Variants in RAB3C observed in about 807,000 individuals in gnomAD.
RAB3C encodes ras-related protein Rab-3C.
In RAB3C, 17 loss-of-function variants were observed where a neutral mutation model predicts 26.4. That is an observed-to-expected ratio of 0.64 (90% CI 0.44 to 0.97). The LOEUF (loss-of-function observed/expected upper bound fraction) is 0.97, where lower values mean the gene tolerates loss of function less well. Among genes scored for constraint, RAB3C ranks in the 50% least tolerant of loss-of-function variants. The pLI, the probability that RAB3C is intolerant of heterozygous loss-of-function variation, is 0.00. For synonymous variants in RAB3C, 91 were observed against 95.9 expected (o/e 0.95, Z 0.30); for missense variants, 242 against 281.9 (o/e 0.86, Z 1.01).
intron 2 of RAB3C, among the ~76,000 whole-genome samples, chr5:58,686,329 A>T (rs143312158): frequency 6.6e-6 from 1 of 152,272 alleles, no homozygotes; most frequent in African/African-American, 2.4e-5. Context: ...ATACACTAGT[A>T]TCCTTTCTAG....
Position 58,856,893 on chromosome 5 carries a change from G to T in RAB3C, c.*5542G>T, listed in dbSNP as rs1247345006. On this transcript the variant is annotated 3_prime_UTR_variant, in exon 5 of 5. Transcript: ENST00000282878. ...TTGTCTCATTATCCCTAGGATACGT[G>T]CTAAAGGAAAACTGTCCTGTAATTC... 1 of 152,176 alleles carries T rather than the reference G, an allele frequency of 6.6e-6. No individual in the cohort carries two copies. Among genetic ancestry groups the T allele is most frequent in the Non-Finnish European group, 1.5e-5 (1 of 68,046 alleles). The allele number at this position is 152,176 out of a possible 1,614,324, so 9.4% of individuals were successfully genotyped here. A position where few individuals can be genotyped will look rare whatever the true frequency, so the allele number is the denominator to read the frequency against.
chr5:58,690,194 T>G (rs1748539273), intron 2 of RAB3C, among the ~76,000 whole-genome samples: 1 of 152,130 alleles, frequency 6.6e-6, no homozygotes. Flanking sequence ...TAGTTAAGAA[T>G]TCTATAGCCA....
At chr5:58,772,452 G>A (rs1742049200) in intron 3 of RAB3C, among the ~76,000 whole-genome samples, 2 of 152,214 alleles carry the variant, frequency 1.3e-5, no homozygotes, top group South Asian at 4.1e-4. Flanking sequence ...GTTAAGAAAG[G>A]ACTTCAGGGA....
chr5:58,676,516 A>G (rs1430349356), intron 2 of RAB3C, among the ~76,000 whole-genome samples: 1 of 152,008 alleles, frequency 6.6e-6, no homozygotes, highest in African/African-American at 2.4e-5. Context: ...AAAAAATAAT[A>G]AAAAAGAACC....
At chr5:58,721,532 T>C (rs1166742419) in intron 2 of RAB3C, among the ~76,000 whole-genome samples, 1 of 151,846 alleles carries the variant, frequency 6.6e-6, no homozygotes, top group East Asian at 1.9e-4. Flanking sequence ...TTTAATTACA[T>C]TAGTGGCACT....
At chr5:58,635,755 A>C (rs1031707174) in intron 2 of RAB3C, among the ~76,000 whole-genome samples, 7 of 152,136 alleles carry the variant, frequency 4.6e-5, no homozygotes, top group African/African-American at 1.4e-4. Context: ...GAAGATAAAT[A>C]CTGTTCTGTC....
intron 2 of RAB3C, among the ~76,000 whole-genome samples, chr5:58,699,709 G>A (rs1198556295): frequency 3.3e-5 from 5 of 152,180 alleles, no homozygotes; most frequent in Non-Finnish European, 5.9e-5. Context: ...CTGCCTTGCC[G>A]TTCAGTCTCA....
At chr5:58,677,927 T>C (rs1748260308) in intron 2 of RAB3C, among the ~76,000 whole-genome samples, 1 of 151,982 alleles carries the variant, frequency 6.6e-6, no homozygotes, top group Non-Finnish European at 1.5e-5. Flanking sequence ...CAAAGAATGA[T>C]TTATAAAACA....
intron 2 of RAB3C, among the ~76,000 whole-genome samples, chr5:58,698,111 T>G (rs1748758368): frequency 6.6e-6 from 1 of 152,014 alleles, no homozygotes; most frequent in African/African-American, 2.4e-5. Context: ...CTCTTGTAAG[T>G]CAGGCCTGTT....
At chr5:58,689,936 A>G (rs1390101654) in intron 2 of RAB3C, among the ~76,000 whole-genome samples, 25 of 152,170 alleles carry the variant, frequency 1.6e-4, no homozygotes, top group Non-Finnish European at 1.5e-5. Context: ...GCAAAAGCCC[A>G]ATGTGTGAAG....
chr5:58,604,952 G>A (rs927501514), intron 1 of RAB3C, among the ~76,000 whole-genome samples: 1 of 152,242 alleles, frequency 6.6e-6, no homozygotes, highest in South Asian at 2.1e-4. Context: ...GGCAGGAATG[G>A]GCTGCTTGGG....
chr5:58,750,802 C>T (rs1239122726), intron 3 of RAB3C, among the ~76,000 whole-genome samples: 1 of 151,752 alleles, frequency 6.6e-6, no homozygotes, highest in East Asian at 1.9e-4. Context: ...TATTTTCTTT[C>T]CTTCCTTCCT....
chr5:58,701,335 A>T (rs188848518), intron 2 of RAB3C, among the ~76,000 whole-genome samples: 1 of 152,084 alleles, frequency 6.6e-6, no homozygotes, highest in Non-Finnish European at 1.5e-5. Context: ...AAATTCTGTT[A>T]TTCTTCAGGT....
intron 1 of RAB3C, among the ~76,000 whole-genome samples, chr5:58,615,437 G>T (rs773772152): frequency 7.2e-5 from 11 of 152,104 alleles, no homozygotes; most frequent in Non-Finnish European, 1.5e-4. Flanking sequence ...TATAGGAGAG[G>T]AGCATTAAAT....
At chr5:58,839,337 G>C (rs1268065685) in intron 4 of RAB3C, among the ~76,000 whole-genome samples, 2 of 133,790 alleles carry the variant, frequency 1.5e-5, no homozygotes, top group Admixed American at 1.5e-4. Context: ...TATCTGTAAT[G>C]ATAAGTTTTT....
intron 3 of RAB3C, among the ~76,000 whole-genome samples, chr5:58,820,112 T>G (rs568169703): frequency 1.3e-5 from 2 of 152,214 alleles, no homozygotes; most frequent in South Asian, 4.1e-4. Context: ...ATTTTACATT[T>G]TCTTGCAAAG....
chr5:58,761,057 T>TCACACA (rs1396965291), intron 3 of RAB3C, among the ~76,000 whole-genome samples: 3 of 72,220 alleles, frequency 4.2e-5, no homozygotes, highest in Non-Finnish European at 9.8e-5. Context: ...TCCCTCTCTC[T>TCACACA]CTCTCTCACA....
intron 2 of RAB3C, among the ~76,000 whole-genome samples, chr5:58,660,834 G>A (rs10471457): frequency 4.7e-5 from 7 of 150,176 alleles, no homozygotes; most frequent in Middle Eastern, 3.4e-3. Flanking sequence ...TGGAGAGGGC[G>A]CACTCTTACC....
intron 2 of RAB3C, among the ~76,000 whole-genome samples, chr5:58,716,227 G>A (rs1466255097): frequency 6.6e-6 from 1 of 152,014 alleles, no homozygotes; most frequent in Non-Finnish European, 1.5e-5. Context: ...AACAATTTCA[G>A]TAGAGTCTTA....
Sources: gnomAD v4.1 joint callset for allele counts (sites outside exome capture counted in the v4.1 genomes callset) on GRCh38, gnomAD v4.1.1 for gene constraint, MANE v1.5 for transcripts, NCBI Gene and HGNC (gene_info 2026-07-23, HGNC 2026-07-21) for gene names.